The following IVNS1ABP variants were observed in gnomAD, a reference collection of about 807,000 sequenced individuals.
IVNS1ABP encodes the protein influenza virus NS1A binding protein, also known as influenza virus NS1A-binding protein.
In IVNS1ABP, 25 loss-of-function variants were observed where a neutral mutation model predicts 78.9. That is an observed-to-expected ratio of 0.32 (90% CI 0.23 to 0.44). IVNS1ABP has a LOEUF of 0.44. Ranked by LOEUF, IVNS1ABP falls within the 20% of genes least tolerant of loss-of-function variation. The pLI is 1.00. For missense variants in IVNS1ABP, 494 were observed against 768.9 expected, an observed-to-expected ratio of 0.64 and a Z score of 4.23; for synonymous variants, 241 against 259.7, an observed-to-expected ratio of 0.93 and a Z score of 0.69.
chr1:185,306,940 G>A, intron 7 of IVNS1ABP, 74 bp downstream of exon 7: 1 of 1,510,436 alleles, frequency 6.6e-7, no homozygotes, highest in Non-Finnish European at 9.1e-7. Flanking sequence ...TAAAATAAAA[G>A]TGAAAGGGAA....
chr1:185,311,167 C>T lies in IVNS1ABP; in HGVS notation c.-91G>A, dbSNP rs1443040944. The stretch of plus-strand genomic sequence containing the variant: ...AAGGACAAAGGAGTGTTAAAAGGTG[C>T]ACTTCGTCAGGGTATGAAGACAGGT... On this transcript the variant is annotated 5_prime_UTR_variant, in exon 2 of 15. Coordinates refer to ENST00000367498, the MANE Select transcript of IVNS1ABP (RefSeq NM_006469.5). 1 of 383,200 alleles carries T rather than the reference C, an allele frequency of 2.6e-6. No homozygotes were observed. The highest frequency in any genetic ancestry group is 2.1e-5 in the African/African-American group (1 of 48,392). 23.7% of individuals were successfully genotyped at this position (383,200 alleles called of 1,614,324 possible).
intron 1 of IVNS1ABP, among the ~76,000 whole-genome samples, chr1:185,312,405 A>C (rs532174402): frequency 1.3e-4 from 20 of 152,228 alleles, no homozygotes; most frequent in Non-Finnish European, 2.5e-4. Flanking sequence ...ATTTTTATGG[A>C]TATCTTAAGA....
In IVNS1ABP at chr1:185,307,560, C is replaced by T; in HGVS notation, c.460G>A (p.Asp154Asn). ...AACAAATGCTCCTGAATATAAGCAT[C>T]AACCTTATTCAACAAACGGGAGTCT... is the stretch of plus-strand genomic sequence containing the variant. ...MGDSRLLNKV[D>N]AYIQEHLLQI... The change falls in exon 6 of 15, where the codon GAT (aspartate) becomes AAT (asparagine). Residue 154 changes from aspartate (D) to asparagine (N), a missense_variant. Coordinates refer to ENST00000367498, the MANE Select transcript of IVNS1ABP (RefSeq NM_006469.5). 1 of 1,613,520 alleles carries T rather than the reference C, an allele frequency of 6.2e-7. No homozygotes were observed. The highest frequency in any genetic ancestry group is 1.3e-5 in the African/African-American group (1 of 75,012).
In IVNS1ABP at chr1:185,305,427, T is replaced by C. The variant is rs116201657; in HGVS notation, c.765+109A>G. Reference sequence around the variant, plus strand: ...TCCCAAAAATGTTTCTGTCCAGTTATACCAATGAAATTGGTCCACTTTCCT... The same window carrying C: ...TCCCAAAAATGTTTCTGTCCAGTTACACCAATGAAATTGGTCCACTTTCCT... On this transcript the variant is annotated intron_variant, in intron 8 of 14. Coordinates refer to ENST00000367498, the MANE Select transcript of IVNS1ABP (RefSeq NM_006469.5). This position sits in a 1 kb window ranked among gnomAD's most constrained non-coding sequence, Gnocchi z 4.0. 1.1e-3 allele frequency: 1,253 copies of C among 1,153,612 alleles called. 10 individuals carry two copies. In the African/African-American group the frequency reaches 0.017, roughly 16 times the overall value. 71.5% of individuals were successfully genotyped at this position (1,153,612 alleles called of 1,614,324 possible).
chr1:185,296,989 G>A lies in IVNS1ABP; in HGVS notation c.*1046C>T, dbSNP rs2102809322. 6.6e-6 allele frequency: 1 copy of A among 152,218 alleles called. No homozygotes were observed. The highest frequency in any genetic ancestry group is 1.9e-4 in the East Asian group (1 of 5,174). 9.4% of individuals were successfully genotyped at this position (152,218 alleles called of 1,614,324 possible). On this transcript the variant is annotated 3_prime_UTR_variant, in exon 15 of 15. Transcript: ENST00000367498. Reference sequence around the variant, plus strand: ...TATTTTGGCCCCATAAGTTAGGTGTGTAGCACTACACATTAGACACCAAGT... The same window carrying A: ...TATTTTGGCCCCATAAGTTAGGTGTATAGCACTACACATTAGACACCAAGT...
At chr1:185,309,341 G>T (rs767784178) in intron 3 of IVNS1ABP, 42 bp downstream of exon 3, 6 of 1,370,928 alleles carry the variant, frequency 4.4e-6, no homozygotes, top group Non-Finnish European at 6.1e-6. Flanking sequence ...ATGGCTTTTA[G>T]TAATAAAAAA....
chr1:185,308,593 A>C (rs1231931386), intron 5 of IVNS1ABP, among the ~76,000 whole-genome samples: 1 of 152,206 alleles, frequency 6.6e-6, no homozygotes, highest in Non-Finnish European at 1.5e-5. Flanking sequence ...TGAAAGGGTC[A>C]GACTTCAGCC....
chr1:185,309,643 C>G (rs1665833244), intron 2 of IVNS1ABP, 132 bp from the exon 3 acceptor site: 1 of 591,504 alleles, frequency 1.7e-6, no homozygotes, highest in African/African-American at 1.9e-5. Flanking sequence ...TTTCATCACA[C>G]AAAAACTTAG....
At position 185,301,242 on chromosome 1, in the gene IVNS1ABP, G is replaced by T. The variant is rs542962221; in HGVS notation, c.896-46C>A. 1.6e-5 allele frequency: 24 copies of T among 1,543,054 alleles called. No individual in the cohort carries two copies. In the African/African-American group the frequency reaches 3.1e-4, roughly 20 times the overall value. On this transcript the variant is annotated intron_variant, in intron 9 of 14. Transcript: ENST00000367498. ...TGTTTAAGATGTAATTATTACTTTT[G>T]GTTTGTGTATATGATCCTGAATTGG...
rs78922500 is a variant in IVNS1ABP, at chr1:185,316,610, C to A, written c.-247+343G>T. ...CCGCCCGCGGCGCCCTAACCCAGGCCCCCCAAAACCCTTCGAACAAAAAAC... is the reference window on the plus strand; with the variant it reads ...CCGCCCGCGGCGCCCTAACCCAGGCACCCCAAAACCCTTCGAACAAAAAAC... On this transcript the variant is annotated intron_variant, in intron 1 of 14. Transcript: ENST00000367498. Among the ~76,000 whole-genome samples the A allele has an allele frequency of 5.5e-3, 837 of 152,320 alleles. 34 individuals carry two copies. The East Asian group carries it at 0.092, about 17-fold the overall frequency.
Position 185,317,117 on chromosome 1 carries a change from G to A in IVNS1ABP, c.-411C>T. 2.6e-6 allele frequency: 1 copy of A among 384,546 alleles called. No homozygotes were observed. The highest frequency in any genetic ancestry group is 4.5e-6 in the Non-Finnish European group (1 of 220,280). 23.8% of individuals were successfully genotyped at this position (384,546 alleles called of 1,614,324 possible). On this transcript the variant is annotated 5_prime_UTR_variant, in exon 1 of 15. Coordinates refer to ENST00000367498, the MANE Select transcript of IVNS1ABP (RefSeq NM_006469.5). ...CCAGTCCGTGGAGACTGAAAGGAAGGGGGAGCGCCACCGAGAACTCGCGGG... is the reference window on the plus strand; with the variant it reads ...CCAGTCCGTGGAGACTGAAAGGAAGAGGGAGCGCCACCGAGAACTCGCGGG...
rs764790670 is a variant in IVNS1ABP, at chr1:185,300,525, A to G, written c.1154T>C (p.Val385Ala). 5.0e-6 allele frequency: 8 copies of G among 1,613,510 alleles called. No individual in the cohort carries two copies. Among genetic ancestry groups the G allele is most frequent in the Non-Finnish European group, 6.8e-6 (8 of 1,179,580 alleles). The change falls in exon 11 of 15, where the codon GTC becomes GCC. Residue 385 changes from valine (V) to alanine (A), a missense_variant. Physicochemically the swap from Val to Ala is moderately conservative, Grantham distance 64. Coordinates refer to ENST00000367498, the MANE Select transcript of IVNS1ABP (RefSeq NM_006469.5). The part of the protein sequence containing the change: ...GYNREECLRT[V>A]ECYNPHTDHW... ...ATCTGTATGTGGATTATAGCATTCG[A>G]CTGTTCGAAGACATTCCTCTCTGTT...
rs143972193 is a variant in IVNS1ABP, at chr1:185,300,913, T to C, written c.1120+59A>G. On this transcript the variant is annotated intron_variant, in intron 10 of 14. Coordinates refer to ENST00000367498, the MANE Select transcript of IVNS1ABP (RefSeq NM_006469.5). ...CATATTAAACCCTCTCTTTGAAAGT[T>C]TGCATGTCACAAAAATGCCCATCTA... is the stretch of plus-strand genomic sequence containing the variant. The C allele has an allele frequency of 2.7e-4, 359 of 1,328,676 alleles. 1 individual carries two copies. In the East Asian group the frequency reaches 6.4e-3, roughly 24 times the overall value. 82.3% of individuals were successfully genotyped at this position (1,328,676 alleles called of 1,614,324 possible).
rs1034918665 is a variant in IVNS1ABP at position 185,297,843 on chromosome 1, C to G, written c.*192G>C. The G allele has an allele frequency of 1.8e-6, 1 of 560,660 alleles. No individual in the cohort carries two copies. The highest frequency in any genetic ancestry group is 1.9e-5 in the African/African-American group (1 of 52,968). 34.7% of individuals were successfully genotyped at this position (560,660 alleles called of 1,614,324 possible). A position where few individuals can be genotyped will look rare whatever the true frequency, so the allele number is the denominator to read the frequency against. ...AAGTCTTAAAAGTACACAAAACAGA[C>G]CTTCATCTTTGCATTCCTTTCCAAA... On this transcript the variant is annotated 3_prime_UTR_variant, in exon 15 of 15. Coordinates refer to ENST00000367498, the MANE Select transcript of IVNS1ABP (RefSeq NM_006469.5).
At chr1:185,310,523 T>C (rs1208518) in intron 2 of IVNS1ABP, among the ~76,000 whole-genome samples, 148,237 of 152,292 alleles carry the variant, frequency 0.97, 72,166 homozygotes, top group East Asian at 1. Context: ...GCAGGAGAAT[T>C]GCTTGGGAGG....
intron 2 of IVNS1ABP, among the ~76,000 whole-genome samples, 167 bp from the exon 3 acceptor site, chr1:185,309,678 T>C (rs529354245): frequency 1.3e-5 from 2 of 152,348 alleles, no homozygotes; most frequent in East Asian, 1.9e-4. Context: ...GTGTTGAATG[T>C]CCAAGTCTTT....
At chr1:185,302,932 A>G (rs563471632) in intron 8 of IVNS1ABP, among the ~76,000 whole-genome samples, 2 of 152,246 alleles carry the variant, frequency 1.3e-5, no homozygotes, top group South Asian at 4.1e-4. Context: ...ATGTCATACT[A>G]TAAAACAGAT....
At chr1:185,299,088 C>T (rs1036748388) in intron 14 of IVNS1ABP, 1 of 152,728 alleles carries the variant, frequency 6.5e-6, no homozygotes, top group South Asian at 2.1e-4. Flanking sequence ...CTGTAAAGCA[C>T]GCTGACAATG....
chr1:185,307,706 ATTC>A, intron 5 of IVNS1ABP, 44 bp from the exon 6 acceptor site: 1 of 1,552,722 alleles, frequency 6.4e-7, no homozygotes, highest in Non-Finnish European at 8.8e-7. Context: ...CATATCTTTT[ATTC>A]AACAAATATT....
Sources: allele counts gnomAD v4.1 joint callset (sites outside exome capture counted in the v4.1 genomes callset), GRCh38; gene constraint gnomAD v4.1.1; non-coding constraint Gnocchi (gnomAD v3.1); transcripts MANE v1.5; gene names NCBI Gene and HGNC (gene_info 2026-07-23, HGNC 2026-07-21).